CDH8: variants seen among roughly 807,000 people sequenced by gnomAD.
CDH8 encodes the protein cadherin 8, also known as cadherin-8.
In CDH8, 17 loss-of-function variants were observed where a neutral mutation model predicts 68.1. That is an observed-to-expected ratio of 0.25 (90% CI 0.17 to 0.37). The LOEUF (loss-of-function observed/expected upper bound fraction) is 0.37. Ranked by LOEUF, CDH8 falls within the 10% of genes least tolerant of loss-of-function variation. The probability of loss-of-function intolerance (pLI) is 1.00; values close to 1 mark genes in which losing one functional copy is unlikely to be tolerated. For missense variants in CDH8, 763 were observed against 999.3 expected (o/e 0.76, Z 3.19); for synonymous variants, 372 against 365.1 (o/e 1.02, Z -0.21).
intron 1 of CDH8, among the ~76,000 whole-genome samples, chr16:62,027,230 C>T (rs924578252): frequency 6.6e-6 from 1 of 152,186 alleles, no homozygotes; most frequent in African/African-American, 2.4e-5. Context: ...TCTGACTTTT[C>T]ATTCATACTT....
At chr16:61,671,437 T>C (rs1181403434) in intron 10 of CDH8, among the ~76,000 whole-genome samples, 1 of 150,992 alleles carries the variant, frequency 6.6e-6, no homozygotes, top group African/African-American at 2.4e-5. Flanking sequence ...ATTCCTACTT[T>C]CCTGGTTTAG....
chr16:61,947,476 C>T (rs1405224197), intron 2 of CDH8, among the ~76,000 whole-genome samples: 1 of 152,142 alleles, frequency 6.6e-6, no homozygotes, highest in East Asian at 1.9e-4. Flanking sequence ...ATGAATAATA[C>T]ATGGTCCCTG....
At chr16:61,844,353 C>T (rs1962758112) in intron 4 of CDH8, among the ~76,000 whole-genome samples, 1 of 151,748 alleles carries the variant, frequency 6.6e-6, no homozygotes, top group Admixed American at 6.6e-5. Context: ...ATGGGTGCAG[C>T]ACACCAACAT....
At chr16:62,019,388 T>C (rs750060582) in intron 2 of CDH8, among the ~76,000 whole-genome samples, 2 of 152,170 alleles carry the variant, frequency 1.3e-5, no homozygotes, top group Non-Finnish European at 2.9e-5. Flanking sequence ...CTTGGTTTGG[T>C]TTATTAATCC....
chr16:61,922,656 T>C (rs1964389197), intron 2 of CDH8, among the ~76,000 whole-genome samples: 1 of 152,200 alleles, frequency 6.6e-6, no homozygotes, highest in South Asian at 2.1e-4. Context: ...TTCATAACCA[T>C]TCCCACTACT....
At chr16:61,665,865 C>T (rs1184198189) in intron 10 of CDH8, among the ~76,000 whole-genome samples, 2 of 145,284 alleles carry the variant, frequency 1.4e-5, no homozygotes, top group Non-Finnish European at 3.0e-5. Context: ...TCCTTCCTTG[C>T]CTCTTTCCTT....
chr16:61,717,574 C>T (rs1452500027), intron 9 of CDH8, among the ~76,000 whole-genome samples: 8 of 151,422 alleles, frequency 5.3e-5, no homozygotes, highest in Admixed American at 5.3e-4. Context: ...AATATCACTG[C>T]CATTATTAAC....
intron 3 of CDH8, among the ~76,000 whole-genome samples, chr16:61,873,570 G>T (rs1446213163): frequency 6.6e-6 from 1 of 152,212 alleles, no homozygotes; most frequent in Non-Finnish European, 1.5e-5. Flanking sequence ...CTTATGACGG[G>T]TCAACTTATG....
chr16:61,956,706 T>C (rs1482272330), intron 2 of CDH8, among the ~76,000 whole-genome samples: 2 of 152,278 alleles, frequency 1.3e-5, no homozygotes, highest in African/African-American at 4.8e-5. Flanking sequence ...AATAAAAGAA[T>C]AAAAATGAGG....
At chr16:61,889,387 A>T (rs984476064) in intron 3 of CDH8, among the ~76,000 whole-genome samples, 6 of 152,172 alleles carry the variant, frequency 3.9e-5, no homozygotes. Flanking sequence ...TAAGCCCATG[A>T]CACATGAATG....
At chr16:61,798,591 T>C in intron 7 of CDH8, among the ~76,000 whole-genome samples, 1 of 152,140 alleles carries the variant, frequency 6.6e-6, no homozygotes, top group East Asian at 1.9e-4. Flanking sequence ...ACAGCACAGG[T>C]CGAAACTGAG....
intron 7 of CDH8, among the ~76,000 whole-genome samples, chr16:61,803,941 T>C (rs1961728538): frequency 7.7e-6 from 1 of 129,844 alleles, no homozygotes; most frequent in Non-Finnish European, 1.6e-5. Context: ...TACCCAGGAA[T>C]TGAACTCAGC....
chr16:61,652,011 G>A lies in CDH8; in HGVS notation c.*1597C>T. ...GAAAAAAAAATTAATGACAACAAAG[G>A]TATTTATAAAAATATATTTCACAAA... On this transcript the variant is annotated 3_prime_UTR_variant, in exon 12 of 12. Transcript: ENST00000577390. 1 of 795,682 alleles carries A rather than the reference G, an allele frequency of 1.3e-6. No homozygotes were observed. The highest frequency in any genetic ancestry group is 1.5e-6 in the Non-Finnish European group (1 of 657,234). The allele number at this position is 795,682 out of a possible 1,614,324, so 49.3% of individuals were successfully genotyped here.
chr16:61,732,529 T>C (rs576182183), intron 8 of CDH8, among the ~76,000 whole-genome samples: 4 of 151,770 alleles, frequency 2.6e-5, no homozygotes, highest in Non-Finnish European at 2.9e-5. Flanking sequence ...CACAAGTATC[T>C]TTCATAAATG....
At chr16:61,682,610 T>A (rs1964034309) in intron 10 of CDH8, among the ~76,000 whole-genome samples, 2 of 151,772 alleles carry the variant, frequency 1.3e-5, no homozygotes, top group African/African-American at 2.4e-5. Flanking sequence ...GTGTTTTTCC[T>A]CAATTATTAC....
At chr16:61,668,538 A>G (rs1056528622) in intron 10 of CDH8, among the ~76,000 whole-genome samples, 1 of 152,020 alleles carries the variant, frequency 6.6e-6, no homozygotes, top group African/African-American at 2.4e-5. Context: ...CCAATAAACA[A>G]TTTCTATTGT....
intron 5 of CDH8, among the ~76,000 whole-genome samples, chr16:61,823,133 G>C (rs1962252589): frequency 6.6e-6 from 1 of 151,902 alleles, no homozygotes; most frequent in African/African-American, 2.4e-5. Flanking sequence ...ATTGTTGTCT[G>C]ATTTATGAAT....
At chr16:61,870,360 T>C (rs1327829030) in intron 3 of CDH8, among the ~76,000 whole-genome samples, 2 of 152,178 alleles carry the variant, frequency 1.3e-5, no homozygotes, top group African/African-American at 4.8e-5. Flanking sequence ...TGTACATGTT[T>C]CAGTGTAAAT....
chr16:61,741,906 C>CAG (rs1959883649), intron 8 of CDH8, among the ~76,000 whole-genome samples: 3 of 151,938 alleles, frequency 2.0e-5, no homozygotes, highest in Admixed American at 1.3e-4. Context: ...CACACACACA[C>CAG]AGAAATTTTG....
Sources: gnomAD v4.1 joint callset for allele counts (sites outside exome capture counted in the v4.1 genomes callset) on GRCh38, gnomAD v4.1.1 for gene constraint, MANE v1.5 for transcripts, NCBI Gene and HGNC (gene_info 2026-07-23, HGNC 2026-07-21) for gene names.